CPE: variants seen among roughly 807,000 people sequenced by gnomAD.
The protein encoded by CPE is carboxypeptidase E, also known as carbocypeptidase E.
Under a neutral mutation model 53.5 loss-of-function variants are expected in CPE, and 17 were observed. The observed-to-expected ratio is 0.32, with a 90% CI of 0.22 to 0.48. The LOEUF is 0.48. Among genes scored for constraint, CPE ranks in the 20% least tolerant of loss-of-function variants. The probability of loss-of-function intolerance (pLI) is 0.99; values close to 1 mark genes in which losing one functional copy is unlikely to be tolerated. For synonymous variants in CPE, 226 were observed against 228.8 expected (o/e 0.99, Z 0.11); for missense variants, 524 against 614.7 (o/e 0.85, Z 1.56).
chr4:165,484,659 ATTT>A, intron 5 of CPE, 55 bp downstream of exon 5: 1 of 1,497,676 alleles, frequency 6.7e-7, no homozygotes, highest in Non-Finnish European at 9.2e-7. Flanking sequence ...TACAATGACC[ATTT>A]AGGTTTAGAG....
rs575525693 is a variant in CPE at position 165,405,270 on chromosome 4, C to A, written c.307+25742C>A. ...CCCATCATCCCTGCACCAGGAATAGCCAGATGCTTAACATCCTTCTGTGGA... is the reference window on the plus strand; with the variant it reads ...CCCATCATCCCTGCACCAGGAATAGACAGATGCTTAACATCCTTCTGTGGA... On this transcript the variant is annotated intron_variant, in intron 1 of 8. Coordinates refer to ENST00000402744, the MANE Select transcript of CPE (RefSeq NM_001873.4). 2.1e-5 allele frequency: 20 copies of A among 959,520 alleles called. No homozygotes were observed. The African/African-American group carries it at 2.7e-4, about 13-fold the overall frequency. The allele number at this position is 959,520 out of a possible 1,614,324, so 59.4% of individuals were successfully genotyped here. A position where few individuals can be genotyped will look rare whatever the true frequency, so the allele number is the denominator to read the frequency against.
chr4:165,487,521 A>C lies in CPE; in HGVS notation c.1057A>C (p.Thr353Pro). 1 of 1,613,956 alleles carries C rather than the reference A, an allele frequency of 6.2e-7. No individual in the cohort carries two copies. The highest frequency in any genetic ancestry group is 8.5e-7 in the Non-Finnish European group (1 of 1,179,982). Residue 353 changes from threonine to proline, a missense_variant, in exon 6 of 9, where the codon ACT (threonine) becomes CCT (proline). Coordinates refer to ENST00000402744, the MANE Select transcript of CPE (RefSeq NM_001873.4). Reference protein sequence around the residue: ...LSCEKFPPEETLKTYWEDNKN... With the variant: ...LSCEKFPPEEPLKTYWEDNKN... ...CTGTGAGAAGTTCCCACCTGAAGAGACTCTGAAGACCTACTGGGAGGATAA... is the reference window on the plus strand; with the variant it reads ...CTGTGAGAAGTTCCCACCTGAAGAGCCTCTGAAGACCTACTGGGAGGATAA...
At chr4:165,380,858 T>G (rs2126649268) in intron 1 of CPE, among the ~76,000 whole-genome samples, 1 of 152,346 alleles carries the variant, frequency 6.6e-6, no homozygotes, top group South Asian at 2.1e-4. Context: ...TTAACTACTC[T>G]TATCTACCAG....
In CPE at chr4:165,415,833, A is replaced by G. The variant is rs576494145; in HGVS notation, c.307+36305A>G. On this transcript the variant is annotated intron_variant, in intron 1 of 8. Coordinates refer to ENST00000402744, the MANE Select transcript of CPE (RefSeq NM_001873.4). ...GTGCATATATATATATATTTGTCAC[A>G]TATATAGAAGTCCTGTGTCTTCCTT... 1.1e-4 allele frequency among the ~76,000 whole-genome samples: 16 copies of G among 152,200 alleles called. 1 individual carries two copies. In the South Asian group the frequency reaches 3.3e-3, roughly 32 times the overall value.
In CPE at chr4:165,405,280, A is replaced by G. The variant is rs1730934864; in HGVS notation, c.307+25752A>G. On this transcript the variant is annotated intron_variant, in intron 1 of 8. Coordinates refer to ENST00000402744, the MANE Select transcript of CPE (RefSeq NM_001873.4). Reference sequence around the variant, plus strand: ...CTGCACCAGGAATAGCCAGATGCTTAACATCCTTCTGTGGAGCTCCAGATG... The same window carrying G: ...CTGCACCAGGAATAGCCAGATGCTTGACATCCTTCTGTGGAGCTCCAGATG... The G allele has an allele frequency of 2.9e-6, 3 of 1,038,060 alleles. No homozygotes were observed. In the Admixed American group the frequency reaches 5.1e-5, roughly 18 times the overall value. 64.3% of individuals were successfully genotyped at this position (1,038,060 alleles called of 1,614,324 possible). A position where few individuals can be genotyped will look rare whatever the true frequency, so the allele number is the denominator to read the frequency against.
chr4:165,387,717 G>A (rs998939800), intron 1 of CPE, among the ~76,000 whole-genome samples: 2 of 152,190 alleles, frequency 1.3e-5, no homozygotes, highest in African/African-American at 4.8e-5. Flanking sequence ...GCTGAGGCAG[G>A]AGAATCGCTT....
intron 3 of CPE, among the ~76,000 whole-genome samples, chr4:165,479,436 G>A (rs79735961): frequency 0.016 from 2,491 of 152,240 alleles, 78 homozygotes; most frequent in African/African-American, 0.054. Context: ...GAAAACTTTC[G>A]TAAGGATGTA....
chr4:165,393,215 G>C (rs780758006), intron 1 of CPE, among the ~76,000 whole-genome samples: 8 of 152,114 alleles, frequency 5.3e-5, no homozygotes, highest in African/African-American at 1.2e-4. Context: ...TATTGAAGGA[G>C]AATTCAGCCC....
At chr4:165,417,495 GT>G (rs751098326) in intron 1 of CPE, among the ~76,000 whole-genome samples, 12 of 151,910 alleles carry the variant, frequency 7.9e-5, no homozygotes, top group Admixed American at 3.3e-4. Flanking sequence ...CTTTAGGATT[GT>G]AAAACTACAA....
intron 1 of CPE, among the ~76,000 whole-genome samples, chr4:165,445,658 T>C (rs1286781851): frequency 1.3e-5 from 2 of 152,154 alleles, no homozygotes; most frequent in African/African-American, 4.8e-5. Flanking sequence ...TAAATACAAA[T>C]TAAATTCACA....
intron 3 of CPE, among the ~76,000 whole-genome samples, chr4:165,468,672 C>A (rs1041403109): frequency 6.6e-6 from 1 of 152,142 alleles, no homozygotes; most frequent in South Asian, 2.1e-4. Flanking sequence ...AACTCATTCC[C>A]CTGCCTCAGC....
intron 6 of CPE, among the ~76,000 whole-genome samples, chr4:165,490,629 CA>C (rs36034365): frequency 0.17 from 6,849 of 40,968 alleles, 60 homozygotes; most frequent in African/African-American, 0.23. Flanking sequence ...GACTCCGTCT[CA>C]AAAAAAAAAA....
intron 1 of CPE, among the ~76,000 whole-genome samples, chr4:165,402,607 A>T (rs989228327): frequency 2.6e-5 from 4 of 152,192 alleles, no homozygotes; most frequent in Non-Finnish European, 5.9e-5. Context: ...TCTCCATGTG[A>T]CGTGCATGCT....
intron 3 of CPE, among the ~76,000 whole-genome samples, chr4:165,476,169 A>ATTCCT: frequency 6.6e-6 from 1 of 152,342 alleles, no homozygotes; most frequent in Middle Eastern, 3.4e-3. Flanking sequence ...TGTATTAAAA[A>ATTCCT]GCTTTAGAGC....
At chr4:165,444,492 T>A (rs1461126108) in intron 1 of CPE, among the ~76,000 whole-genome samples, 1 of 142,716 alleles carries the variant, frequency 7.0e-6, no homozygotes, top group African/African-American at 2.6e-5. Flanking sequence ...TGAAACCACA[T>A]CTCTACTGAA....
At chr4:165,485,645 C>A (rs2126713272) in intron 5 of CPE, among the ~76,000 whole-genome samples, 1 of 152,174 alleles carries the variant, frequency 6.6e-6, no homozygotes, top group Admixed American at 6.5e-5. Context: ...TTAATGACTT[C>A]TTGGAATTCC....
intron 1 of CPE, among the ~76,000 whole-genome samples, chr4:165,388,258 C>A (rs1178741892): frequency 6.6e-6 from 1 of 152,172 alleles, no homozygotes; most frequent in Non-Finnish European, 1.5e-5. Flanking sequence ...AGATTGTCAC[C>A]TTCCTGACCC....
At chr4:165,447,439 C>T (rs191795793) in intron 1 of CPE, among the ~76,000 whole-genome samples, 47 of 152,034 alleles carry the variant, frequency 3.1e-4, no homozygotes, top group Admixed American at 2.1e-3. Context: ...GGCGTGGTGG[C>T]GCATGCCTGT....
intron 1 of CPE, among the ~76,000 whole-genome samples, chr4:165,443,709 A>T (rs1731655478): frequency 6.6e-6 from 1 of 152,222 alleles, no homozygotes; most frequent in African/African-American, 2.4e-5. Context: ...TAAAGGCCTT[A>T]TCTTCAAATA....
Sources: allele counts gnomAD v4.1 joint callset (sites outside exome capture counted in the v4.1 genomes callset), GRCh38; gene constraint gnomAD v4.1.1; transcripts MANE v1.5; gene names NCBI Gene and HGNC (gene_info 2026-07-23, HGNC 2026-07-21).